DCHS2: variants seen among roughly 807,000 people sequenced by gnomAD.
DCHS2 encodes the protein dachsous cadherin-related 2, also known as protocadherin-23.
Under a neutral mutation model 182.4 loss-of-function variants are expected in DCHS2, and 142 were observed. The ratio of observed to expected loss-of-function variants is 0.78; its 90% CI spans 0.68 to 0.89. The LOEUF is 0.89. Among genes scored for constraint, DCHS2 ranks in the 40% least tolerant of loss-of-function variants. DCHS2 has a pLI of 0.00. For synonymous variants in DCHS2, 1,740 were observed against 1,663.3 expected, an observed-to-expected ratio of 1.05 and a Z score of -1.12; for missense variants, 4,319 against 4,198.6, an observed-to-expected ratio of 1.03 and a Z score of -0.79.
chr4:154,355,912 A>G (rs1729837484), intron 3 of DCHS2, among the ~76,000 whole-genome samples: 1 of 152,214 alleles, frequency 6.6e-6, no homozygotes, highest in Non-Finnish European at 1.5e-5. Context: ...GATACTTGAT[A>G]ATGATAATAA....
At chr4:154,417,644 T>A (rs1297052201) in intron 1 of DCHS2, among the ~76,000 whole-genome samples, 1 of 152,222 alleles carries the variant, frequency 6.6e-6, no homozygotes, top group African/African-American at 2.4e-5. Flanking sequence ...TTATCTGAAA[T>A]TCAGATTTCA....
At chr4:154,261,048 T>C (rs1043638297) in intron 14 of DCHS2, among the ~76,000 whole-genome samples, 10 of 152,242 alleles carry the variant, frequency 6.6e-5, no homozygotes, top group Admixed American at 4.6e-4. Context: ...TTTATTTACT[T>C]GGCTTTCACT....
In DCHS2 at chr4:154,305,080, C is replaced by G. The variant is rs116356309; in HGVS notation, c.5395+17G>C. 1,527 of 1,586,402 alleles carry G rather than the reference C, an allele frequency of 9.6e-4. 17 individuals carry two copies. The African/African-American group carries it at 0.019, about 19-fold the overall frequency. ...TTTTTAATTTTTATTTTTTAGCCTA[C>G]TCAAAGAATCCCTTACCTCGAAGGG... On this transcript the variant is annotated intron_variant, in intron 11 of 19. Coordinates refer to ENST00000357232, the MANE Select transcript of DCHS2 (RefSeq NM_001358235.2).
At chr4:154,335,139 A>G (rs1441560879) in intron 3 of DCHS2, 35 bp from the exon 4 acceptor site, 5 of 1,324,092 alleles carry the variant, frequency 3.8e-6, no homozygotes, top group Non-Finnish European at 4.4e-6. Context: ...GTAAACAGAT[A>G]ACATGTAATA....
intron 3 of DCHS2, among the ~76,000 whole-genome samples, chr4:154,351,739 TGCAC>T (rs1729623892): frequency 6.6e-6 from 1 of 152,118 alleles, no homozygotes; most frequent in African/African-American, 2.4e-5. Flanking sequence ...CTAGATCTCC[TGCAC>T]GCACAGTTCA....
chr4:154,244,251 A>C (rs1191782870), intron 16 of DCHS2, among the ~76,000 whole-genome samples: 1 of 152,206 alleles, frequency 6.6e-6, no homozygotes, highest in Non-Finnish European at 1.5e-5. Flanking sequence ...TGGTTTCTCA[A>C]GATTTCCCCA....
At chr4:154,323,873 C>CA (rs60287796) in intron 7 of DCHS2, among the ~76,000 whole-genome samples, 39,990 of 147,002 alleles carry the variant, frequency 0.27, 6,125 homozygotes, top group South Asian at 0.37. Flanking sequence ...AAAAACCCAC[C>CA]AAAAAAAAAA....
chr4:154,465,749 A>G (rs1735215089), intron 1 of DCHS2, among the ~76,000 whole-genome samples: 1 of 152,056 alleles, frequency 6.6e-6, no homozygotes, highest in East Asian at 1.9e-4. Context: ...GTTCACCCTC[A>G]ATAAAGGACA....
chr4:154,275,121 TTTTCCTTAGA>T (rs1733782674), intron 13 of DCHS2, among the ~76,000 whole-genome samples: 1 of 151,940 alleles, frequency 6.6e-6, no homozygotes, highest in South Asian at 2.1e-4. Context: ...CAAATAGTAG[TTTTCCTTAGA>T]AGCCTTTCAA....
chr4:154,452,099 C>T (rs1261983195), intron 1 of DCHS2, among the ~76,000 whole-genome samples: 2 of 152,190 alleles, frequency 1.3e-5, no homozygotes, highest in Non-Finnish European at 2.9e-5. Context: ...CACACCACAA[C>T]ATAAACACAA....
intron 1 of DCHS2, among the ~76,000 whole-genome samples, chr4:154,446,314 G>A (rs541620937): frequency 9.2e-5 from 14 of 152,110 alleles, no homozygotes; most frequent in Admixed American, 2.6e-4. Flanking sequence ...ACCATATTTC[G>A]ATTTGTACCA....
At chr4:154,394,550 G>C (rs1411452233) in intron 1 of DCHS2, among the ~76,000 whole-genome samples, 1 of 152,158 alleles carries the variant, frequency 6.6e-6, no homozygotes, top group Admixed American at 6.6e-5. Context: ...TCTTTGTCAA[G>C]ATCTGGGCAG....
At chr4:154,260,102 G>A (rs999540205) in intron 14 of DCHS2, among the ~76,000 whole-genome samples, 5 of 152,154 alleles carry the variant, frequency 3.3e-5, no homozygotes, top group African/African-American at 7.2e-5. Context: ...GATTATAGGC[G>A]TGAGCCACAG....
chr4:154,268,378 CTG>C (rs1377036585), intron 14 of DCHS2, among the ~76,000 whole-genome samples: 6 of 152,076 alleles, frequency 3.9e-5, no homozygotes, highest in Non-Finnish European at 8.8e-5. Flanking sequence ...GACAGTGAAA[CTG>C]AGAATTGAGA....
chr4:154,346,350 G>A (rs1418731806), intron 3 of DCHS2, among the ~76,000 whole-genome samples: 1 of 152,276 alleles, frequency 6.6e-6, no homozygotes, highest in East Asian at 1.9e-4. Flanking sequence ...AAAGATGCTA[G>A]TCTACTTAAG....
At chr4:154,463,692 TTCTCTCTCTCTCTCTCTC>T (rs5863102) in intron 1 of DCHS2, among the ~76,000 whole-genome samples, 1 of 145,266 alleles carries the variant, frequency 6.9e-6, no homozygotes, top group Admixed American at 6.9e-5. Context: ...ATTCTCTCTT[TTCTCTCTCTCTCTCTCTC>T]TCTCTCTCTC....
rs1437542665 is a variant in DCHS2, at chr4:154,292,239, C to T, written c.6463+5612G>A. ...CTTTCAGAAACATAACAAAATAATC[C>T]TCTGATTCTTCAGGGTTCTTCAAGC... On this transcript the variant is annotated intron_variant, in intron 13 of 19. Transcript: ENST00000357232. Among the ~76,000 whole-genome samples the T allele has an allele frequency of 1.1e-4, 17 of 152,122 alleles. 1 individual carries two copies. Among genetic ancestry groups the T allele is most frequent in the Non-Finnish European group, 1.5e-5 (1 of 68,010 alleles).
chr4:154,291,642 C>A (rs1265084846), intron 13 of DCHS2, among the ~76,000 whole-genome samples: 2 of 152,076 alleles, frequency 1.3e-5, no homozygotes, highest in African/African-American at 4.8e-5. Flanking sequence ...CAGTCATCTG[C>A]AACAACATGG....
At chr4:154,290,613 G>A (rs1160100601) in intron 13 of DCHS2, among the ~76,000 whole-genome samples, 1 of 151,984 alleles carries the variant, frequency 6.6e-6, no homozygotes, top group African/African-American at 2.4e-5. Context: ...AAACAGAATA[G>A]AGAATCCAGA....
Sources: allele counts gnomAD v4.1 joint callset (sites outside exome capture counted in the v4.1 genomes callset), GRCh38; gene constraint gnomAD v4.1.1; transcripts MANE v1.5; gene names NCBI Gene and HGNC (gene_info 2026-07-23, HGNC 2026-07-21).